KIF26B: variants seen among roughly 807,000 people sequenced by gnomAD.
The protein encoded by KIF26B is kinesin-like protein KIF26B.
Under a neutral mutation model 151.2 loss-of-function variants are expected in KIF26B, and 63 were observed. The ratio of observed to expected loss-of-function variants is 0.42; its 90% CI spans 0.34 to 0.51. The LOEUF is 0.51. KIF26B is among the 20% of genes least tolerant of loss of function. The probability of loss-of-function intolerance (pLI) is 0.07; values close to 1 mark genes in which losing one functional copy is unlikely to be tolerated. For missense variants in KIF26B, 2,813 were observed against 2,913.6 expected (o/e 0.97, Z 0.79); for synonymous variants, 1,357 against 1,262.1 (o/e 1.08, Z -1.59).
intron 2 of KIF26B, among the ~76,000 whole-genome samples, chr1:245,271,219 T>C (rs1670851074): frequency 6.6e-6 from 1 of 152,212 alleles, no homozygotes; most frequent in South Asian, 2.1e-4. Flanking sequence ...TTCTTCAGAT[T>C]GTTTTGGCTA....
intron 4 of KIF26B, among the ~76,000 whole-genome samples, chr1:245,515,735 T>A (rs1454243606): frequency 1.3e-5 from 2 of 152,224 alleles, no homozygotes; most frequent in Non-Finnish European, 2.9e-5. Flanking sequence ...TTATGTGGGC[T>A]AGAACCTCTG....
rs1668481429 is a variant in KIF26B at position 245,158,481 on chromosome 1, T to C, written c.465+1798T>C. Among the ~76,000 whole-genome samples, 3 of 32,246 alleles carry C rather than the reference T, an allele frequency of 9.3e-5. No individual in the cohort carries two copies. The Admixed American group carries it at 1.9e-3, about 20-fold the overall frequency. 21.2% of individuals were successfully genotyped at this position (32,246 alleles called of 152,430 possible). A position where few individuals can be genotyped will look rare whatever the true frequency, so the allele number is the denominator to read the frequency against. ...TATGTATGTGATAAGGTAAAACTCTTGTTGGTAAACTGATTGTATTGTCAG... is the reference window on the plus strand; with the variant it reads ...TATGTATGTGATAAGGTAAAACTCTCGTTGGTAAACTGATTGTATTGTCAG... On this transcript the variant is annotated intron_variant, in intron 2 of 14. Coordinates refer to ENST00000407071, the MANE Select transcript of KIF26B (RefSeq NM_018012.4).
intron 2 of KIF26B, among the ~76,000 whole-genome samples, chr1:245,201,333 C>T (rs1048735157): frequency 6.6e-6 from 1 of 152,176 alleles, no homozygotes; most frequent in Non-Finnish European, 1.5e-5. Flanking sequence ...GATCATGGAG[C>T]AAGCACAGTG....
At chr1:245,616,146 TAGAC>T (rs1234627573) in intron 9 of KIF26B, among the ~76,000 whole-genome samples, 53 of 152,322 alleles carry the variant, frequency 3.5e-4, no homozygotes, top group African/African-American at 1.0e-3. Context: ...CACATATAAG[TAGAC>T]AGACAAAAAA....
At chr1:245,666,698 AC>A (rs1238557334) in intron 10 of KIF26B, among the ~76,000 whole-genome samples, 2 of 151,906 alleles carry the variant, frequency 1.3e-5, no homozygotes, top group African/African-American at 2.4e-5. Flanking sequence ...TTTTTGAAAC[AC>A]CTTTTTTACA....
chr1:245,471,123 G>GTATATATATATATATATATA (rs200717016), intron 4 of KIF26B, among the ~76,000 whole-genome samples: 7 of 139,560 alleles, frequency 5.0e-5, no homozygotes, highest in African/African-American at 1.8e-4. Context: ...GTATGTGTGT[G>GTATATATATATATATATATA]TGTGTGTGTA....
intron 2 of KIF26B, among the ~76,000 whole-genome samples, chr1:245,196,471 G>A (rs558056198): frequency 6.6e-6 from 1 of 152,274 alleles, no homozygotes; most frequent in South Asian, 2.1e-4. Flanking sequence ...GGTGACCTGG[G>A]TGTAAATGCC....
intron 9 of KIF26B, among the ~76,000 whole-genome samples, chr1:245,643,831 C>G (rs183924854): frequency 2.0e-5 from 3 of 152,298 alleles, no homozygotes; most frequent in Non-Finnish European, 4.4e-5. Flanking sequence ...ACTGTCTTCT[C>G]ACCTGTATTT....
At chr1:245,314,993 C>T (rs1162454587) in intron 2 of KIF26B, among the ~76,000 whole-genome samples, 1 of 151,936 alleles carries the variant, frequency 6.6e-6, no homozygotes, top group African/African-American at 2.4e-5. Flanking sequence ...CCGGCCTGAC[C>T]AACATGGAGA....
rs201949312 is a variant in KIF26B at position 245,687,918 on chromosome 1, G to C, written c.4935G>C (p.Thr1645=). The C allele has an allele frequency of 6.3e-7, 1 of 1,593,842 alleles. No homozygotes were observed. The highest frequency in any genetic ancestry group is 8.5e-7 in the Non-Finnish European group (1 of 1,172,098). The part of the protein sequence containing the change: ...AGLPDEPSGK[T]KDASSSSKLF... ...TCCCAGACGAGCCTAGCGGCAAGACGAAGGACGCCAGCAGCAGCAGCAAGC... is the reference window on the plus strand; with the variant it reads ...TCCCAGACGAGCCTAGCGGCAAGACCAAGGACGCCAGCAGCAGCAGCAAGC... Residue 1645 remains threonine, a synonymous_variant, in exon 12 of 15, where the codon ACG becomes ACC. Transcript: ENST00000407071. The surrounding 1 kb of genome is among the most constrained non-coding windows in gnomAD (Gnocchi z 4.9).
chr1:245,325,097 AAAAAAAAAAAAAAAG>A (rs997887646), intron 2 of KIF26B, among the ~76,000 whole-genome samples: 8 of 107,146 alleles, frequency 7.5e-5, no homozygotes, highest in Non-Finnish European at 1.3e-4. Flanking sequence ...CTTGTCTCAA[AAAAAAAAAAAAAAAG>A]AAAAAAAGAA....
chr1:245,498,110 G>A (rs1242130491), intron 4 of KIF26B, among the ~76,000 whole-genome samples: 1 of 152,154 alleles, frequency 6.6e-6, no homozygotes, highest in Non-Finnish European at 1.5e-5. Flanking sequence ...CCATCAAATT[G>A]CCATCTTGTT....
At chr1:245,662,582 T>C (rs1190537228) in intron 10 of KIF26B, among the ~76,000 whole-genome samples, 3 of 116,010 alleles carry the variant, frequency 2.6e-5, no homozygotes, top group South Asian at 3.2e-4. Flanking sequence ...TATATATATA[T>C]ACACCCAATG....
intron 4 of KIF26B, among the ~76,000 whole-genome samples, chr1:245,536,807 C>T (rs1236588731): frequency 6.6e-6 from 1 of 152,174 alleles, no homozygotes; most frequent in Non-Finnish European, 1.5e-5. Context: ...GTCCTCAGTT[C>T]TTTTCCACTT....
intron 10 of KIF26B, among the ~76,000 whole-genome samples, chr1:245,680,582 G>T (rs527737168): frequency 6.6e-6 from 1 of 152,148 alleles, no homozygotes; most frequent in Admixed American, 6.6e-5. Flanking sequence ...TCTGTCTTTG[G>T]TCTGTCTTCC....
chr1:245,676,887 TCCTG>T (rs2044363260), intron 10 of KIF26B, among the ~76,000 whole-genome samples: 1 of 152,104 alleles, frequency 6.6e-6, no homozygotes, highest in South Asian at 2.1e-4. Flanking sequence ...ATCACTTCTC[TCCTG>T]CCTGTCACTG....
chr1:245,672,892 A>T lies in KIF26B; in HGVS notation c.2259-11341A>T, dbSNP rs550763411. 3.3e-4 allele frequency among the ~76,000 whole-genome samples: 50 copies of T among 152,194 alleles called. No individual in the cohort carries two copies. The South Asian group carries it at 9.7e-3, about 30-fold the overall frequency. On this transcript the variant is annotated intron_variant, in intron 10 of 14. Coordinates refer to ENST00000407071, the MANE Select transcript of KIF26B (RefSeq NM_018012.4). ...CCATTGTTTTTTTTTAAAGAATGAG[A>T]TCAATAAATATAAATTCCAATATTT...
chr1:245,302,764 G>A (rs1014760660), intron 2 of KIF26B, among the ~76,000 whole-genome samples: 1 of 152,046 alleles, frequency 6.6e-6, no homozygotes, highest in African/African-American at 2.4e-5. Context: ...GCCAAGGTGG[G>A]CGGACCAAGA....
rs1472054064 is a variant in KIF26B, at chr1:245,601,860, G to A, written c.1351-717G>A. ...TAAGCACCTCGCTCGCCTGCAGGAC[G>A]GGGCTGGGTTGGTGGTGGGTACCAG... On this transcript the variant is annotated intron_variant, in intron 5 of 14. Coordinates refer to ENST00000407071, the MANE Select transcript of KIF26B (RefSeq NM_018012.4). This position sits in a 1 kb window ranked among gnomAD's most constrained non-coding sequence, Gnocchi z 4.4. 6.6e-6 allele frequency among the ~76,000 whole-genome samples: 1 copy of A among 152,140 alleles called. No individual in the cohort carries two copies. Among genetic ancestry groups the A allele is most frequent in the African/African-American group, 2.4e-5 (1 of 41,412 alleles).
Sources: allele counts gnomAD v4.1 joint callset (sites outside exome capture counted in the v4.1 genomes callset), GRCh38; gene constraint gnomAD v4.1.1; non-coding constraint Gnocchi (gnomAD v3.1); transcripts MANE v1.5; gene names NCBI Gene and HGNC (gene_info 2026-07-23, HGNC 2026-07-21).